LSMEM2: variants seen among roughly 807,000 people sequenced by gnomAD.
LSMEM2 encodes the protein leucine-rich single-pass membrane protein 2.
In LSMEM2, 20 loss-of-function variants were observed where a neutral mutation model predicts 17.3. That is an observed-to-expected ratio of 1.16 (90% CI 0.81 to 1.68). The LOEUF is 1.68. LSMEM2 is among the 40% of genes most tolerant of loss of function. LSMEM2 has a pLI of 0.00. For missense variants in LSMEM2, 207 were observed against 214.3 expected (o/e 0.97, Z 0.21); for synonymous variants, 94 against 97.8 (o/e 0.96, Z 0.23).
chr3:50,286,693 T>A lies in LSMEM2; in HGVS notation c.192T>A (p.Tyr64Ter), dbSNP rs139536893. ...ACCCAGCAGGCACACTGCGCCCCTA[T>A]CTAACTGAAGAGGCACGACCGTGGG... ...LHSGAGTLRP[Y>*]LTEEARPWDE... The change falls in exon 3 of 4, where the codon TAT (tyrosine) becomes TAA (stop). Residue 64 changes from tyrosine (Y) to a stop codon, truncating the protein, a stop_gained. Transcript: ENST00000316436. LOFTEE classifies it high-confidence loss of function. 1 of 1,613,902 alleles carries A rather than the reference T, an allele frequency of 6.2e-7. No individual in the cohort carries two copies. The highest frequency in any genetic ancestry group is 8.5e-7 in the Non-Finnish European group (1 of 1,179,972).
intron 1 of LSMEM2, among the ~76,000 whole-genome samples, chr3:50,283,045 C>G (rs587747653): frequency 6.6e-6 from 1 of 151,568 alleles, no homozygotes; most frequent in East Asian, 2.0e-4. Flanking sequence ...ATTAGCCAGG[C>G]GTGGTGGCAC....
chr3:50,283,693 G>A (rs587751950), intron 1 of LSMEM2, among the ~76,000 whole-genome samples: 3 of 151,094 alleles, frequency 2.0e-5, no homozygotes, highest in African/African-American at 7.3e-5. Flanking sequence ...TAGCTACTAA[G>A]GAGGGTGAGG....
Position 50,287,844 on chromosome 3 carries a change from T to G in LSMEM2, c.*642T>G. ...CCACCCCACCTGCTGTGGTGGCATTTGTCCAGATGCCACCACCCCCCTAAG... is the reference window on the plus strand; with the variant it reads ...CCACCCCACCTGCTGTGGTGGCATTGGTCCAGATGCCACCACCCCCCTAAG... On this transcript the variant is annotated 3_prime_UTR_variant, in exon 4 of 4. Coordinates refer to ENST00000316436, the MANE Select transcript of LSMEM2 (RefSeq NM_153215.3). The G allele has an allele frequency of 6.9e-6, 2 of 291,142 alleles. No homozygotes were observed. The highest frequency in any genetic ancestry group is 1.3e-5 in the Non-Finnish European group (2 of 152,798). The allele number at this position is 291,142 out of a possible 1,614,324, so 18.0% of individuals were successfully genotyped here. A position where few individuals can be genotyped will look rare whatever the true frequency, so the allele number is the denominator to read the frequency against.
rs782091083 is a variant in LSMEM2 at position 50,287,103 on chromosome 3, C to T, written c.396C>T (p.His132=). The change falls in exon 4 of 4, where the codon CAC becomes CAT. Residue 132 remains histidine, a synonymous_variant. Coordinates refer to ENST00000316436, the MANE Select transcript of LSMEM2 (RefSeq NM_153215.3). ...GTGAATCCCTGCGCATCCTGGCACA[C>T]ACGCTCCGCACGCAGGAGGAGACAC... The part of the protein sequence containing the change: ...LQSESLRILA[H]TLRTQEETLL... 6.2e-7 allele frequency: 1 copy of T among 1,614,194 alleles called. No homozygotes were observed. Among genetic ancestry groups the T allele is most frequent in the Non-Finnish European group, 8.5e-7 (1 of 1,180,022 alleles).
At chr3:50,287,048 T>A (rs782432902) in intron 3 of LSMEM2, 21 bp from the exon 4 acceptor site, 2 of 1,613,090 alleles carry the variant, frequency 1.2e-6, no homozygotes, top group African/African-American at 2.7e-5. Context: ...GGTCTGATGA[T>A]CCCCCACTTC....
At position 50,286,769 on chromosome 3, in the gene LSMEM2, A is replaced by G. The variant is rs1255836102; in HGVS notation, c.268A>G (p.Ser90Gly). The G allele has an allele frequency of 6.2e-7, 1 of 1,614,220 alleles. No individual in the cohort carries two copies. The highest frequency in any genetic ancestry group is 1.3e-5 in the African/African-American group (1 of 75,072). ...PPSLCAQAGC[S>G]PVYRRGGFLL... ...GTCACTGTGTGCCCAGGCTGGCTGCAGCCCTGTGTACAGACGAGGAGGGTT... is the reference window on the plus strand; with the variant it reads ...GTCACTGTGTGCCCAGGCTGGCTGCGGCCCTGTGTACAGACGAGGAGGGTT... The change falls in exon 3 of 4, where the codon AGC becomes GGC. Residue 90 changes from serine (S) to glycine (G), a missense_variant. By Grantham distance (56) the Ser-to-Gly change is moderately conservative. Coordinates refer to ENST00000316436, the MANE Select transcript of LSMEM2 (RefSeq NM_153215.3).
At position 50,282,169 on chromosome 3, in the gene LSMEM2, T is replaced by G. The variant is rs183273153; in HGVS notation, c.58+2998T>G. On this transcript the variant is annotated intron_variant, in intron 1 of 3. Transcript: ENST00000316436. ...GCCCGGCCCTAATCTTTGATTTTTT[T>G]GTAGAGATGGGGTCTCCCTACGTTG... Among the ~76,000 whole-genome samples, 865 of 152,086 alleles carry G rather than the reference T, an allele frequency of 5.7e-3. 8 individuals are homozygous for G. The highest frequency in any genetic ancestry group is 0.02 in the African/African-American group (817 of 41,486).
chr3:50,280,177 C>CTTTCTTT (rs1553707588), intron 1 of LSMEM2, among the ~76,000 whole-genome samples: 1 of 117,672 alleles, frequency 8.5e-6, no homozygotes, highest in Non-Finnish European at 1.7e-5. Context: ...CTGGCCTCAA[C>CTTTCTTT]TTTTTTTTTT....
At chr3:50,281,572 C>A (rs1175384194) in intron 1 of LSMEM2, among the ~76,000 whole-genome samples, 1 of 151,660 alleles carries the variant, frequency 6.6e-6, no homozygotes, top group Non-Finnish European at 1.5e-5. Flanking sequence ...ACCATATTGG[C>A]CAGGCTGGTC....
chr3:50,280,430 C>T (rs1167954502), intron 1 of LSMEM2, among the ~76,000 whole-genome samples: 1 of 152,124 alleles, frequency 6.6e-6, no homozygotes, highest in Non-Finnish European at 1.5e-5. Flanking sequence ...GTTGGGATTA[C>T]AGGCGTGAGC....
intron 1 of LSMEM2, among the ~76,000 whole-genome samples, chr3:50,281,670 ATTTTTTTTTTTTTT>A (rs144025924): frequency 1.0e-5 from 1 of 95,470 alleles, no homozygotes. Context: ...GCAGCAGGGA[ATTTTTTTTTTTTTT>A]TTTTTTTTTT....
At position 50,286,428 on chromosome 3, in the gene LSMEM2, G is replaced by C. The variant is rs782073390; in HGVS notation, c.59-43G>C. On this transcript the variant is annotated intron_variant, in intron 1 of 3. Coordinates refer to ENST00000316436, the MANE Select transcript of LSMEM2 (RefSeq NM_153215.3). Reference sequence around the variant, plus strand: ...GAAGCCACCTGGTAGAAGGAAGGGGGTTGACCCACCACTGGCTAAATCAGC... The same window carrying C: ...GAAGCCACCTGGTAGAAGGAAGGGGCTTGACCCACCACTGGCTAAATCAGC... 2.7e-5 allele frequency: 41 copies of C among 1,546,260 alleles called. No individual in the cohort carries two copies. The African/African-American group carries it at 4.6e-4, about 17-fold the overall frequency.
In LSMEM2 at chr3:50,288,029, C is replaced by A; in HGVS notation, c.*827C>A. The A allele has an allele frequency of 1.5e-6, 1 of 647,790 alleles. No homozygotes were observed. The highest frequency in any genetic ancestry group is 2.8e-6 in the Non-Finnish European group (1 of 360,166). 40.1% of individuals were successfully genotyped at this position (647,790 alleles called of 1,614,324 possible). Reference sequence around the variant, plus strand: ...AGTGCAGGGACAAAGGGGTCAGGGTCCCAAGTGTCCGGGCCCCCAGCTACC... The same window carrying A: ...AGTGCAGGGACAAAGGGGTCAGGGTACCAAGTGTCCGGGCCCCCAGCTACC... On this transcript the variant is annotated 3_prime_UTR_variant, in exon 4 of 4. Transcript: ENST00000316436.
intron 1 of LSMEM2, among the ~76,000 whole-genome samples, chr3:50,284,525 C>G (rs1701472644): frequency 6.6e-6 from 1 of 151,466 alleles, no homozygotes. Context: ...AGACCAGGAG[C>G]TCGAGACCAG....
At chr3:50,285,268 T>C (rs1272311214) in intron 1 of LSMEM2, among the ~76,000 whole-genome samples, 1 of 144,614 alleles carries the variant, frequency 6.9e-6, no homozygotes, top group African/African-American at 2.6e-5. Context: ...GAGGCAGAGG[T>C]TGCAGTGAGC....
upstream of LSMEM2, among the ~76,000 whole-genome samples, chr3:50,278,153 C>T (rs1701318410): frequency 6.6e-6 from 1 of 152,162 alleles, no homozygotes; most frequent in Non-Finnish European, 1.5e-5. Context: ...TGAGGAACAT[C>T]AGGGAGGCCA....
chr3:50,284,872 C>T (rs781969704), intron 1 of LSMEM2, among the ~76,000 whole-genome samples: 1 of 151,068 alleles, frequency 6.6e-6, no homozygotes, highest in Non-Finnish European at 1.5e-5. Flanking sequence ...CTGGTTTCTA[C>T]TGAAAATACA....
At chr3:50,278,980 C>T (rs950795477), upstream of LSMEM2, 3 of 914,672 alleles carry the variant, frequency 3.3e-6, no homozygotes, top group African/African-American at 5.0e-5. Context: ...CTTCCCATGG[C>T]TGAGGGCTGC....
chr3:50,286,713 C>T lies in LSMEM2; in HGVS notation c.212C>T (p.Pro71Leu), dbSNP rs147592846. 4.8e-5 allele frequency: 77 copies of T among 1,614,080 alleles called. No individual in the cohort carries two copies. The highest frequency in any genetic ancestry group is 5.8e-5 in the Non-Finnish European group (68 of 1,180,040). ...LRPYLTEEAR[P>L]WDELLGVLPP... ...CCCTATCTAACTGAAGAGGCACGACCGTGGGATGAGCTGCTGGGCGTTTTG... is the reference window on the plus strand; with the variant it reads ...CCCTATCTAACTGAAGAGGCACGACTGTGGGATGAGCTGCTGGGCGTTTTG... The change falls in exon 3 of 4, where the codon CCG becomes CTG. Residue 71 changes from proline to leucine, a missense_variant. Physicochemically the swap from Pro to Leu is moderately conservative, Grantham distance 98. Coordinates refer to ENST00000316436, the MANE Select transcript of LSMEM2 (RefSeq NM_153215.3).
Sources: gnomAD v4.1 joint callset for allele counts (sites outside exome capture counted in the v4.1 genomes callset) on GRCh38, gnomAD v4.1.1 for gene constraint, MANE v1.5 for transcripts, NCBI Gene and HGNC (gene_info 2026-07-23, HGNC 2026-07-21) for gene names.